Variants in ACOXL observed in about 807,000 individuals in gnomAD.
ACOXL encodes acyl-CoA oxidase like.
A neutral mutation model predicts 71.9 loss-of-function variants in ACOXL; 70 were observed. That is an observed-to-expected ratio of 0.97 (90% CI 0.80 to 1.19). The LOEUF (loss-of-function observed/expected upper bound fraction) is 1.19, where lower values mean the gene tolerates loss of function less well. Among genes scored for constraint, ACOXL ranks in the 50% most tolerant of loss-of-function variants. ACOXL has a pLI of 0.00. For synonymous variants in ACOXL, 253 were observed against 281.6 expected (o/e 0.90, Z 1.02); for missense variants, 703 against 736.3 (o/e 0.95, Z 0.52).
At chr2:111,108,371 C>CTGTTTTTT (rs2069696451) in intron 17 of ACOXL, among the ~76,000 whole-genome samples, 1 of 71,036 alleles carries the variant, frequency 1.4e-5, no homozygotes, top group South Asian at 5.7e-4. Context: ...GTGCATGAAT[C>CTGTTTTTT]TTTTTTTTTT....
intron 10 of ACOXL, among the ~76,000 whole-genome samples, chr2:110,900,730 GTTTAT>G (rs1280604232): frequency 6.6e-6 from 1 of 152,204 alleles, no homozygotes; most frequent in African/African-American, 2.4e-5. Flanking sequence ...GTTCCTTGGT[GTTTAT>G]TTTAAGTAGG....
chr2:110,790,293 A>G (rs781274300), intron 3 of ACOXL, among the ~76,000 whole-genome samples: 6 of 151,936 alleles, frequency 3.9e-5, no homozygotes, highest in Non-Finnish European at 7.4e-5. Context: ...TTTCCCTTCC[A>G]CTTCAGGATG....
At chr2:111,096,144 C>A (rs922504903) in intron 17 of ACOXL, among the ~76,000 whole-genome samples, 1 of 152,136 alleles carries the variant, frequency 6.6e-6, no homozygotes, top group Non-Finnish European at 1.5e-5. Flanking sequence ...TTTACTGATT[C>A]TTTCTTCAGA....
intron 13 of ACOXL, among the ~76,000 whole-genome samples, chr2:110,989,768 G>A (rs1489817814): frequency 1.3e-5 from 2 of 152,178 alleles, no homozygotes; most frequent in Non-Finnish European, 2.9e-5. Context: ...AATGGGCTGG[G>A]CACAGTGGCT....
chr2:110,873,389 G>A (rs1047480303), intron 10 of ACOXL, among the ~76,000 whole-genome samples: 2 of 152,216 alleles, frequency 1.3e-5, no homozygotes, highest in Non-Finnish European at 2.9e-5. Context: ...CTCTAGGGAA[G>A]CAGTGTGTCA....
intron 10 of ACOXL, among the ~76,000 whole-genome samples, chr2:110,865,372 C>T (rs1441071436): frequency 3.9e-5 from 6 of 152,142 alleles, no homozygotes; most frequent in African/African-American, 1.2e-4. Flanking sequence ...CAAACCCTTT[C>T]GTTTTTACTT....
At chr2:110,981,272 C>A (rs764988618) in intron 12 of ACOXL, among the ~76,000 whole-genome samples, 1 of 152,158 alleles carries the variant, frequency 6.6e-6, no homozygotes, top group Non-Finnish European at 1.5e-5. Context: ...GCAGGAGAAT[C>A]GCTTGAACCC....
At chr2:110,962,590 T>C (rs1253116493) in intron 12 of ACOXL, among the ~76,000 whole-genome samples, 1 of 152,238 alleles carries the variant, frequency 6.6e-6, no homozygotes, top group Non-Finnish European at 1.5e-5. Context: ...TTTTCAGGCA[T>C]CTGAGGGCAG....
intron 17 of ACOXL, chr2:111,093,750 G>C: frequency 2.2e-6 from 1 of 446,830 alleles, no homozygotes; most frequent in Non-Finnish European, 4.0e-6. Context: ...TGTAGTCCCA[G>C]CTACTCGGGA....
intron 3 of ACOXL, among the ~76,000 whole-genome samples, chr2:110,788,164 G>C (rs1684217486): frequency 6.6e-6 from 1 of 152,166 alleles, no homozygotes; most frequent in Admixed American, 6.5e-5. Flanking sequence ...TGAAAGTAGG[G>C]ACTGAAATAG....
At chr2:110,747,822 T>C (rs1158616207) in intron 1 of ACOXL, among the ~76,000 whole-genome samples, 1 of 152,200 alleles carries the variant, frequency 6.6e-6, no homozygotes, top group African/African-American at 2.4e-5. Context: ...CATGTGGTCC[T>C]GTTTCTCCCT....
At chr2:110,782,271 T>TA (rs1683433262) in intron 2 of ACOXL, among the ~76,000 whole-genome samples, 1 of 152,096 alleles carries the variant, frequency 6.6e-6, no homozygotes, top group Non-Finnish European at 1.5e-5. Context: ...CCCATTCAGT[T>TA]AGTGCTGCCA....
At chr2:110,887,101 C>T (rs545087848) in intron 10 of ACOXL, 299 of 422,854 alleles carry the variant, frequency 7.1e-4, no homozygotes, top group Non-Finnish European at 1.0e-3. Context: ...CTGGCAAGGA[C>T]GATCTGGGGT....
intron 17 of ACOXL, among the ~76,000 whole-genome samples, chr2:111,111,110 A>AT (rs975161268): frequency 6.6e-6 from 1 of 151,790 alleles, no homozygotes; most frequent in South Asian, 2.1e-4. Flanking sequence ...TTATTTATTT[A>AT]TTTTTTTTAA....
intron 1 of ACOXL, among the ~76,000 whole-genome samples, chr2:110,739,540 T>A (rs1191505615): frequency 2.0e-5 from 3 of 152,240 alleles, no homozygotes; most frequent in Non-Finnish European, 4.4e-5. Flanking sequence ...CCCACATGAT[T>A]GGCTGCACCC....
Position 110,746,403 on chromosome 2 carries a change from C to A in ACOXL, c.-23+13629C>A, listed in dbSNP as rs186321646. 1.3e-3 allele frequency among the ~76,000 whole-genome samples: 193 copies of A among 152,168 alleles called. 2 individuals carry two copies. The highest frequency in any genetic ancestry group is 4.8e-3 in the Admixed American group (74 of 15,288). On this transcript the variant is annotated intron_variant, in intron 1 of 17. Coordinates refer to ENST00000439055, the MANE Select transcript of ACOXL (RefSeq NM_001142807.4). ...TCCTTTGTCCCTAAGTGATCTCAGA[C>A]CCCAAGATCCAACTACAATTCAGAT...
At chr2:110,852,113 G>A (rs10179923) in intron 10 of ACOXL, among the ~76,000 whole-genome samples, 102,019 of 152,126 alleles carry the variant, frequency 0.67, 35,038 homozygotes, top group South Asian at 0.81. Context: ...GGTGTTTGTG[G>A]CAGGTCTGCT....
At chr2:110,968,169 G>A (rs570364096) in intron 12 of ACOXL, 14 of 1,195,920 alleles carry the variant, frequency 1.2e-5, no homozygotes, top group South Asian at 1.1e-4. Context: ...TTCTCAATAG[G>A]TTTGGCACAG....
chr2:110,800,183 A>T (rs1243855778), intron 7 of ACOXL, among the ~76,000 whole-genome samples: 1 of 152,194 alleles, frequency 6.6e-6, no homozygotes, highest in Non-Finnish European at 1.5e-5. Flanking sequence ...CACCTTTAAG[A>T]GCTGTAACAC....
Sources: allele counts gnomAD v4.1 joint callset (sites outside exome capture counted in the v4.1 genomes callset), GRCh38; gene constraint gnomAD v4.1.1; transcripts MANE v1.5; gene names NCBI Gene and HGNC (gene_info 2026-07-23, HGNC 2026-07-21).